OSBPL9: variants seen among roughly 807,000 people sequenced by gnomAD.
OSBPL9 encodes oxysterol-binding protein-related protein 9.
In OSBPL9, 40 loss-of-function variants were observed where a neutral mutation model predicts 106.6. The ratio of observed to expected loss-of-function variants is 0.38; its 90% CI spans 0.29 to 0.49. The LOEUF (loss-of-function observed/expected upper bound fraction) is 0.49, where lower values mean the gene tolerates loss of function less well. OSBPL9 is among the 20% of genes least tolerant of loss of function. The probability of loss-of-function intolerance (pLI) is 0.97; values close to 1 mark genes in which losing one functional copy is unlikely to be tolerated. For synonymous variants in OSBPL9, 269 were observed against 295.4 expected (o/e 0.91, Z 0.92); for missense variants, 609 against 887.2 (o/e 0.69, Z 3.98).
intron 4 of OSBPL9, among the ~76,000 whole-genome samples, chr1:51,718,892 C>CCCAA (rs1255735859): frequency 3.3e-5 from 5 of 152,186 alleles, no homozygotes; most frequent in Non-Finnish European, 7.3e-5. Context: ...CTTGCTCTTT[C>CCCAA]CCAAGGTTAA....
intron 20 of OSBPL9, 65 bp from the exon 21 acceptor site, chr1:51,785,743 C>A (rs1197126212): frequency 7.0e-6 from 10 of 1,419,816 alleles, no homozygotes; most frequent in Non-Finnish European, 9.9e-6. Context: ...TTGGGCCACA[C>A]TGAGCAGATT....
At chr1:51,520,296 T>C in the OSBPL9 span, among the ~76,000 whole-genome samples, 1 of 152,216 alleles carries the variant, frequency 6.6e-6, no homozygotes, top group Non-Finnish European at 1.5e-5. Context: ...TCCTACACCT[T>C]CTGATGCTGC....
intron 3 of OSBPL9, among the ~76,000 whole-genome samples, chr1:51,678,695 A>G (rs1651858417): frequency 1.3e-5 from 2 of 152,176 alleles, no homozygotes; most frequent in South Asian, 2.1e-4. Context: ...CAGAATTACT[A>G]CAAATAAACC....
At position 51,684,291 on chromosome 1, in the gene OSBPL9, G is replaced by A. The variant is rs141177179; in HGVS notation, c.241+14779G>A. Among the ~76,000 whole-genome samples, 353 of 152,156 alleles carry A rather than the reference G, an allele frequency of 2.3e-3. 4 individuals are homozygous for A. The highest frequency in any genetic ancestry group is 8.3e-3 in the African/African-American group (344 of 41,512). ...CCCAAAGTGCTGGGAATACAGGTCC[G>A]AGCCATGAAGAGATCTGTTATACCA... is the stretch of plus-strand genomic sequence containing the variant. On this transcript the variant is annotated intron_variant, in intron 3 of 23. Coordinates refer to ENST00000428468, the MANE Select transcript of OSBPL9 (RefSeq NM_024586.6).
At chr1:51,612,147 A>G (rs2148606473), upstream of OSBPL9, among the ~76,000 whole-genome samples, 1 of 152,206 alleles carries the variant, frequency 6.6e-6, no homozygotes, top group East Asian at 1.9e-4. Context: ...TTCTCAATAA[A>G]TATACAGAAT....
chr1:51,575,223 C>T (rs561704746), upstream of OSBPL9, among the ~76,000 whole-genome samples: 32 of 152,180 alleles, frequency 2.1e-4, no homozygotes, highest in African/African-American at 6.7e-4. Context: ...TTTTTTGAGA[C>T]GGAGTCTTGC....
intron 2 of OSBPL9, among the ~76,000 whole-genome samples, chr1:51,653,875 G>C (rs1442719304): frequency 6.6e-6 from 1 of 152,096 alleles, no homozygotes; most frequent in South Asian, 2.1e-4. Flanking sequence ...GGTGACACAT[G>C]CCTATAGTCC....
chr1:51,652,639 T>C (rs1646586700), intron 2 of OSBPL9, among the ~76,000 whole-genome samples: 1 of 152,208 alleles, frequency 6.6e-6, no homozygotes. Context: ...CTTTCCATAC[T>C]AACTATTCAA....
intron 8 of OSBPL9, 25 bp from the exon 9 acceptor site, chr1:51,756,294 TA>T: frequency 1.3e-6 from 2 of 1,599,956 alleles, no homozygotes; most frequent in Non-Finnish European, 1.7e-6. Context: ...AGAATGAAGT[TA>T]ATATTTTTAA....
At chr1:51,780,190 A>C (rs1676033748) in intron 15 of OSBPL9, among the ~76,000 whole-genome samples, 1 of 151,602 alleles carries the variant, frequency 6.6e-6, no homozygotes, top group South Asian at 2.1e-4. Context: ...TACTCCTGCA[A>C]GAATGGCCAT....
rs1038633239 is a variant in OSBPL9 at position 51,596,064 on chromosome 1, CTGGCCAACATGG to C, written c.-422-2057_-422-2046del. Among the ~76,000 whole-genome samples, 51 of 152,006 alleles carry C rather than the reference CTGGCCAACATGG, an allele frequency of 3.4e-4. 1 individual carries two copies. Among genetic ancestry groups the C allele is most frequent in the African/African-American group, 1.2e-3 (51 of 41,462 alleles). ...CTGAGGCCAGGAGTTTGAGATCAGC[CTGGCCAACATGG>C]TGAAACCCCATCTCTACTAAGAAAT... On this transcript the variant is annotated intron_variant, in intron 1 of 25. Coordinates refer to the OSBPL9 transcript ENST00000371714.
intron 1 of OSBPL9, among the ~76,000 whole-genome samples, chr1:51,581,316 C>T (rs977964185): frequency 4.6e-5 from 7 of 152,042 alleles, no homozygotes; most frequent in African/African-American, 1.7e-4. Context: ...AGGTAAACGG[C>T]CATTCTCATC....
intron 3 of OSBPL9, among the ~76,000 whole-genome samples, chr1:51,689,884 C>G (rs1654604929): frequency 6.6e-6 from 1 of 152,196 alleles, no homozygotes. Flanking sequence ...TCCATCTTTT[C>G]TTTATCTCCT....
chr1:51,530,181 A>AAAAAAAAAAAAAAAAAAAAAAAAAAAC, the OSBPL9 span, among the ~76,000 whole-genome samples: 1 of 121,612 alleles, frequency 8.2e-6, no homozygotes, highest in African/African-American at 3.5e-5. Flanking sequence ...AAAAAAAAAA[A>AAAAAAAAAAAAAAAAAAAAAAAAAAAC]AAAAAAAAAA....
the OSBPL9 span, among the ~76,000 whole-genome samples, chr1:51,557,846 A>T: frequency 6.6e-6 from 1 of 152,202 alleles, no homozygotes; most frequent in Non-Finnish European, 1.5e-5. Context: ...CCTTTGCAAA[A>T]ATTATGACAG....
chr1:51,681,881 A>G (rs542033337), intron 3 of OSBPL9, among the ~76,000 whole-genome samples: 1 of 152,298 alleles, frequency 6.6e-6, no homozygotes, highest in East Asian at 1.9e-4. Context: ...TGCTGTGTAA[A>G]TAGTTATCAT....
At chr1:51,763,329 C>T (rs1413384728) in intron 11 of OSBPL9, among the ~76,000 whole-genome samples, 1 of 152,060 alleles carries the variant, frequency 6.6e-6, no homozygotes, top group East Asian at 1.9e-4. Context: ...TTCGTTTAGG[C>T]TTAGGGTCTT....
chr1:51,603,999 A>G (rs1379633466), intron 2 of OSBPL9, among the ~76,000 whole-genome samples: 2 of 152,294 alleles, frequency 1.3e-5, no homozygotes, highest in East Asian at 3.9e-4. Flanking sequence ...GGTATTATTC[A>G]ACTCCCTATA....
At chr1:51,543,642 G>A in the OSBPL9 span, among the ~76,000 whole-genome samples, 4 of 152,110 alleles carry the variant, frequency 2.6e-5, no homozygotes, top group Non-Finnish European at 5.9e-5. Context: ...TGATCCACCC[G>A]CCTCAGCCTC....
Sources: gnomAD v4.1 joint callset for allele counts (sites outside exome capture counted in the v4.1 genomes callset) on GRCh38, gnomAD v4.1.1 for gene constraint, MANE v1.5 for transcripts, NCBI Gene and HGNC (gene_info 2026-07-23, HGNC 2026-07-21) for gene names.